The following RXYLT1 variants were observed in gnomAD, a reference collection of about 807,000 sequenced individuals.
RXYLT1 encodes ribitol-5-phosphate xylosyltransferase 1.
RXYLT1 carries 41 observed loss-of-function variants against 43.5 expected under a neutral mutation model. The ratio of observed to expected loss-of-function variants is 0.94; its 90% CI spans 0.73 to 1.22. The LOEUF is 1.22. Among genes scored for constraint, RXYLT1 ranks in the 50% most tolerant of loss-of-function variants. The probability of loss-of-function intolerance (pLI) is 0.00; values close to 1 mark genes in which losing one functional copy is unlikely to be tolerated. For synonymous variants in RXYLT1, 166 were observed against 194.4 expected (o/e 0.85, Z 1.21); for missense variants, 514 against 532.0 (o/e 0.97, Z 0.33).
At chr12:63,796,876 TAAAAA>T in intron 3 of RXYLT1, among the ~76,000 whole-genome samples, 1 of 148,338 alleles carries the variant, frequency 6.7e-6, no homozygotes, top group South Asian at 2.1e-4. Flanking sequence ...GTCCTGTCGA[TAAAAA>T]AAAGAAGAAA....
intron 4 of RXYLT1, among the ~76,000 whole-genome samples, chr12:63,803,485 T>C (rs1356221659): frequency 6.6e-6 from 1 of 152,130 alleles, no homozygotes; most frequent in Non-Finnish European, 1.5e-5. Context: ...TTATTCATCA[T>C]TCTGTCCCTG....
At chr12:63,783,233 G>C (rs565392152) in intron 2 of RXYLT1, among the ~76,000 whole-genome samples, 3 of 152,220 alleles carry the variant, frequency 2.0e-5, no homozygotes, top group Non-Finnish European at 4.4e-5. Flanking sequence ...GGCTGAGGCC[G>C]GTGGATCACT....
Position 63,797,927 on chromosome 12 carries a change from G to A in RXYLT1, c.429-4164G>A, listed in dbSNP as rs139951664. On this transcript the variant is annotated intron_variant, in intron 3 of 5. Coordinates refer to ENST00000261234, the MANE Select transcript of RXYLT1 (RefSeq NM_014254.3). Reference sequence around the variant, plus strand: ...TCGGAATTTAGGGATTAATTAGATGGGAAGATGAGAGAGGGAAACAAATCT... The same window carrying A: ...TCGGAATTTAGGGATTAATTAGATGAGAAGATGAGAGAGGGAAACAAATCT... Among the ~76,000 whole-genome samples, 475 of 152,216 alleles carry A rather than the reference G, an allele frequency of 3.1e-3. 5 individuals are homozygous for A. Among genetic ancestry groups the A allele is most frequent in the African/African-American group, 0.011 (443 of 41,522 alleles).
chr12:63,780,152 C>G (rs1429537134), intron 1 of RXYLT1, 23 bp downstream of exon 1: 1 of 1,443,818 alleles, frequency 6.9e-7, no homozygotes, highest in Non-Finnish European at 9.0e-7. Context: ...CGGCGGCTTC[C>G]TTCCGGCTCT....
chr12:63,782,251 G>A (rs995969623), intron 2 of RXYLT1, among the ~76,000 whole-genome samples: 1 of 151,966 alleles, frequency 6.6e-6, no homozygotes, highest in Admixed American at 6.6e-5. Flanking sequence ...CCATTCAAAA[G>A]GGGAGAAAAA....
At chr12:63,802,482 G>T (rs940158205) in intron 4 of RXYLT1, 77 bp downstream of exon 4, 2 of 1,387,788 alleles carry the variant, frequency 1.4e-6, no homozygotes, top group African/African-American at 2.9e-5. Flanking sequence ...ATTCAAAATT[G>T]TAATAAATTT....
At chr12:63,783,356 G>T (rs1897728842) in intron 2 of RXYLT1, among the ~76,000 whole-genome samples, 1 of 152,080 alleles carries the variant, frequency 6.6e-6, no homozygotes, top group Non-Finnish European at 1.5e-5. Flanking sequence ...AGCTACTCAG[G>T]AGGCTGAGGC....
At chr12:63,791,557 G>A (rs1040457468) in intron 3 of RXYLT1, among the ~76,000 whole-genome samples, 1 of 152,172 alleles carries the variant, frequency 6.6e-6, no homozygotes, top group Admixed American at 6.5e-5. Flanking sequence ...TATAGATAAC[G>A]TTAATGGTTA....
intron 3 of RXYLT1, among the ~76,000 whole-genome samples, chr12:63,789,095 A>G (rs1449128175): frequency 6.6e-6 from 1 of 152,168 alleles, no homozygotes; most frequent in Non-Finnish European, 1.5e-5. Flanking sequence ...ATCCATGCCT[A>G]TATTCTCTCC....
At chr12:63,782,768 TC>T (rs1454821422) in intron 2 of RXYLT1, 1 of 340,390 alleles carries the variant, frequency 2.9e-6, no homozygotes, top group Non-Finnish European at 5.8e-6. Flanking sequence ...GATCTTCTGA[TC>T]CTTCTGAGGC....
chr12:63,805,984 G>A (rs1179031832), intron 5 of RXYLT1: 4 of 152,212 alleles, frequency 2.6e-5, no homozygotes, highest in African/African-American at 7.2e-5. Context: ...ATGTTGTGAA[G>A]GAAGTAAATT....
chr12:63,788,470 T>C (rs1417399202), intron 3 of RXYLT1, among the ~76,000 whole-genome samples: 1 of 152,218 alleles, frequency 6.6e-6, no homozygotes, highest in East Asian at 1.9e-4. Flanking sequence ...CTTAGCTAAA[T>C]CTTCTGGATA....
chr12:63,800,941 T>G (rs1420411136), intron 3 of RXYLT1, among the ~76,000 whole-genome samples: 1 of 151,494 alleles, frequency 6.6e-6, no homozygotes, highest in Non-Finnish European at 1.5e-5. Context: ...AAAATGGTAA[T>G]ACAACACATT....
intron 4 of RXYLT1, among the ~76,000 whole-genome samples, chr12:63,802,938 C>T (rs1396396007): frequency 1.3e-5 from 2 of 151,140 alleles, no homozygotes; most frequent in South Asian, 2.1e-4. Flanking sequence ...GGGAGGCCAA[C>T]TAGGCAGATT....
chr12:63,800,478 A>T (rs1898134671), intron 3 of RXYLT1, among the ~76,000 whole-genome samples: 1 of 152,230 alleles, frequency 6.6e-6, no homozygotes, highest in Non-Finnish European at 1.5e-5. Context: ...GACTAATTTT[A>T]AGATGAATTA....
chr12:63,793,399 G>A (rs1897960931), intron 3 of RXYLT1, among the ~76,000 whole-genome samples: 1 of 151,992 alleles, frequency 6.6e-6, no homozygotes, highest in Non-Finnish European at 1.5e-5. Context: ...TACACTTGAA[G>A]GGTTCTCTGA....
chr12:63,806,519 G>C (rs1305975672), intron 5 of RXYLT1: 1 of 152,288 alleles, frequency 6.6e-6, no homozygotes, highest in African/African-American at 2.4e-5. Flanking sequence ...GAAGAGCAAA[G>C]GCCCTGAGGC....
At chr12:63,797,904 G>A (rs532724573) in intron 3 of RXYLT1, among the ~76,000 whole-genome samples, 7 of 152,180 alleles carry the variant, frequency 4.6e-5, no homozygotes, top group South Asian at 2.1e-4. Flanking sequence ...CAAAATGGTC[G>A]GAATTTAGGG....
At chr12:63,790,872 G>A (rs1349582949) in intron 3 of RXYLT1, among the ~76,000 whole-genome samples, 2 of 152,132 alleles carry the variant, frequency 1.3e-5, no homozygotes, top group Non-Finnish European at 2.9e-5. Context: ...TATTTCACAG[G>A]ATTATTCCAA....
Sources: allele counts gnomAD v4.1 joint callset (sites outside exome capture counted in the v4.1 genomes callset), GRCh38; gene constraint gnomAD v4.1.1; transcripts MANE v1.5; gene names NCBI Gene and HGNC (gene_info 2026-07-23, HGNC 2026-07-21).